The following SMOX variants were observed in gnomAD, a reference collection of about 807,000 sequenced individuals.
The protein encoded by SMOX is spermine oxidase.
SMOX carries 22 observed loss-of-function variants against 51.0 expected under a neutral mutation model. That is an observed-to-expected ratio of 0.43 (90% CI 0.31 to 0.62). The LOEUF (loss-of-function observed/expected upper bound fraction) is 0.62, where lower values mean the gene tolerates loss of function less well. Among genes scored for constraint, SMOX ranks in the 20% least tolerant of loss-of-function variants. SMOX has a pLI of 0.10. For missense variants in SMOX, 566 were observed against 777.7 expected (o/e 0.73, Z 3.24); for synonymous variants, 282 against 307.8 (o/e 0.92, Z 0.88).
rs147949785 is a variant in SMOX at position 4,181,759 on chromosome 20, A to G, written c.436-44A>G. ...GTTGGGGGCCTTCTGTTTGAGATGG[A>G]GGTGTGATGAGGTGTTTTCAGTCTC... On this transcript the variant is annotated intron_variant, in intron 3 of 6. Coordinates refer to ENST00000305958, the MANE Select transcript of SMOX (RefSeq NM_175839.3). The surrounding 1 kb of genome is among the most constrained non-coding windows in gnomAD (Gnocchi z 5.6). The G allele has an allele frequency of 1.3e-3, 2,084 of 1,591,088 alleles. 25 individuals are homozygous for G. The African/African-American group carries it at 0.025, about 19-fold the overall frequency.
chr20:4,162,492 C>T (rs530052589), intron 1 of SMOX, among the ~76,000 whole-genome samples: 1 of 152,352 alleles, frequency 6.6e-6, no homozygotes, highest in Admixed American at 6.5e-5. Flanking sequence ...ATTTCCACCC[C>T]CTCTTCCACC....
In SMOX at chr20:4,158,740, G is replaced by A. The variant is rs113194094; in HGVS notation, c.-27+9763G>A. ...GGGACATCTGTCTCGATGCCCTTTC[G>A]TCAACCCCATGGCTCTCTCAGAGCC... On this transcript the variant is annotated intron_variant, in intron 1 of 6. Transcript: ENST00000305958. Among the ~76,000 whole-genome samples, 851 of 152,006 alleles carry A rather than the reference G, an allele frequency of 5.6e-3. 13 individuals carry two copies. The highest frequency in any genetic ancestry group is 0.02 in the African/African-American group (815 of 41,454).
chr20:4,159,258 C>A (rs146192347), intron 1 of SMOX, among the ~76,000 whole-genome samples: 3,067 of 152,190 alleles, frequency 0.02, 45 homozygotes, highest in Middle Eastern at 0.034. Context: ...ATTACAGGTG[C>A]CTGCCACCAC....
intron 1 of SMOX, among the ~76,000 whole-genome samples, chr20:4,154,612 C>T (rs901748199): frequency 5.3e-5 from 8 of 152,228 alleles, no homozygotes; most frequent in African/African-American, 1.9e-4. Context: ...ACCCACCTGC[C>T]TCAGCCTCCC....
At chr20:4,150,315 C>T (rs1376754504) in intron 1 of SMOX, among the ~76,000 whole-genome samples, 1 of 152,164 alleles carries the variant, frequency 6.6e-6, no homozygotes, top group Non-Finnish European at 1.5e-5. Context: ...TCGGTCCCAC[C>T]CCTTCACTGA....
Position 4,177,568 on chromosome 20 carries a change from A to T in SMOX, c.426A>T (p.Leu142Phe). ...PKDVVEEFSD[L>F]YNEVYNLTQE... ...ACGTGGTTGAGGAATTCAGCGATTT[A>T]TACAACGAGGTAAGGTGTGAGCAGA... is the stretch of plus-strand genomic sequence containing the variant. Residue 142 changes from leucine (L) to phenylalanine (F), a missense_variant, in exon 3 of 7, where the codon TTA (leucine) becomes TTT (phenylalanine). By Grantham distance (22) the Leu-to-Phe change is conservative. Coordinates refer to ENST00000305958, the MANE Select transcript of SMOX (RefSeq NM_175839.3). This position sits in a 1 kb window ranked among gnomAD's most constrained non-coding sequence, Gnocchi z 4.3. 1 of 1,586,988 alleles carries T rather than the reference A, an allele frequency of 6.3e-7. No homozygotes were observed. Among genetic ancestry groups the T allele is most frequent in the Non-Finnish European group, 8.6e-7 (1 of 1,165,372 alleles).
intron 1 of SMOX, among the ~76,000 whole-genome samples, chr20:4,173,302 G>A (rs1396842575): frequency 1.3e-5 from 2 of 152,088 alleles, no homozygotes; most frequent in East Asian, 1.9e-4. Context: ...CCTGAGCTTC[G>A]TGTGAATGAA....
intron 1 of SMOX, among the ~76,000 whole-genome samples, chr20:4,150,059 C>G (rs770534999): frequency 6.6e-6 from 1 of 152,222 alleles, no homozygotes; most frequent in Non-Finnish European, 1.5e-5. Context: ...GTCCCCCTTT[C>G]TTCAGTTACC....
intron 2 of SMOX, chr20:4,175,922 C>G (rs1978806030): frequency 7.0e-6 from 1 of 142,150 alleles, no homozygotes; most frequent in Non-Finnish European, 1.5e-5. Flanking sequence ...GGGATGGTTT[C>G]TGACCATTGA....
Position 4,148,992 on chromosome 20 carries a change from C to T in SMOX, c.-27+15C>T, listed in dbSNP as rs1285430598. 1.3e-5 allele frequency: 2 copies of T among 151,678 alleles called. No homozygotes were observed. The highest frequency in any genetic ancestry group is 1.9e-4 in the East Asian group (1 of 5,172). The allele number at this position is 151,678 out of a possible 1,614,324, so 9.4% of individuals were successfully genotyped here. Reference sequence around the variant, plus strand: ...AGCAGGGAAAGGTACGGTGCGCCCGCTCTCCGGCCCCGGGCCCCGGCTCTC... The same window carrying T: ...AGCAGGGAAAGGTACGGTGCGCCCGTTCTCCGGCCCCGGGCCCCGGCTCTC... On this transcript the variant is annotated intron_variant, in intron 1 of 6. Coordinates refer to ENST00000305958, the MANE Select transcript of SMOX (RefSeq NM_175839.3).
chr20:4,172,287 G>C lies in SMOX; in HGVS notation c.-26-2743G>C, dbSNP rs541269971. On this transcript the variant is annotated intron_variant, in intron 1 of 6. Coordinates refer to ENST00000305958, the MANE Select transcript of SMOX (RefSeq NM_175839.3). This position sits in a 1 kb window ranked among gnomAD's most constrained non-coding sequence, Gnocchi z 7.7. ...GGTGGCGGCGTCCCCGTCGCAGCTG[G>C]CGCGGCCCCTCCGGAGCACGCCGCG... Among the ~76,000 whole-genome samples the C allele has an allele frequency of 6.6e-6, 1 of 152,240 alleles. No individual in the cohort carries two copies. The highest frequency in any genetic ancestry group is 6.5e-5 in the Admixed American group (1 of 15,304).
Position 4,183,579 on chromosome 20 carries a change from G to C in SMOX, c.1455G>C (p.Thr485=). 6.2e-7 allele frequency: 1 copy of C among 1,613,398 alleles called. No individual in the cohort carries two copies. Residue 485 remains threonine, a synonymous_variant, in exon 6 of 7, where the codon ACG becomes ACC. Coordinates refer to ENST00000305958, the MANE Select transcript of SMOX (RefSeq NM_175839.3). This position sits in a 1 kb window ranked among gnomAD's most constrained non-coding sequence, Gnocchi z 4.3. ...ACTTCCGCGGCTCCTATTCATACAC[G>C]CAGGTGGGCTCCAGCGGGGCGGATG... ...NPYFRGSYSY[T]QVGSSGADVE... is the part of the protein sequence containing the mutation.
rs919323344 is a variant in SMOX at position 4,149,898 on chromosome 20, G to C, written c.-27+921G>C. Among the ~76,000 whole-genome samples the C allele has an allele frequency of 1.3e-5, 2 of 152,190 alleles. No homozygotes were observed. The highest frequency in any genetic ancestry group is 4.8e-5 in the African/African-American group (2 of 41,450). On this transcript the variant is annotated intron_variant, in intron 1 of 6. Coordinates refer to ENST00000305958, the MANE Select transcript of SMOX (RefSeq NM_175839.3). The surrounding 1 kb of genome is among the most constrained non-coding windows in gnomAD (Gnocchi z 6.0). Reference sequence around the variant, plus strand: ...CCTGGGGTTACCGGGAGCGACGCGGGCCGGGGTGCCATGCATCCGAAAGTG... The same window carrying C: ...CCTGGGGTTACCGGGAGCGACGCGGCCCGGGGTGCCATGCATCCGAAAGTG...
Position 4,175,149 on chromosome 20 carries a change from G to C in SMOX, c.94G>C (p.Ala32Pro). The C allele has an allele frequency of 6.2e-7, 1 of 1,614,202 alleles. No homozygotes were observed. Among genetic ancestry groups the C allele is most frequent in the South Asian group, 1.1e-5 (1 of 91,088 alleles). Residue 32 changes from alanine to proline, a missense_variant, in exon 2 of 7, where the codon GCC becomes CCC. Physicochemically the swap from Ala to Pro is conservative, Grantham distance 27. Around this residue, in one of 3 missense-constraint regions of SMOX, gnomAD observed 217 missense variants for 278.4 expected, o/e 0.78. Coordinates refer to ENST00000305958, the MANE Select transcript of SMOX (RefSeq NM_175839.3). Reference protein sequence around the residue: ...RGQPRVVVIGAGLAGLAAAKA... With the variant: ...RGQPRVVVIGPGLAGLAAAKA... ...ACAGCCTCGTGTGGTGGTGATCGGC[G>C]CCGGCTTGGCTGGCCTGGCTGCAGC...
intron 1 of SMOX, among the ~76,000 whole-genome samples, chr20:4,152,578 A>T (rs1185319578): frequency 6.6e-6 from 1 of 151,864 alleles, no homozygotes; most frequent in African/African-American, 2.4e-5. Context: ...AGTGGTCCAG[A>T]TCTGGGATGG....
At chr20:4,186,776 C>G in intron 6 of SMOX, 1 of 781,080 alleles carries the variant, frequency 1.3e-6, no homozygotes, top group South Asian at 1.3e-5. Context: ...GCCTGGTCAC[C>G]TTTTCTCTTC....
At position 4,181,223 on chromosome 20, in the gene SMOX, G is replaced by A. The variant is rs578124711; in HGVS notation, c.436-580G>A. Among the ~76,000 whole-genome samples the A allele has an allele frequency of 2.6e-5, 4 of 152,276 alleles. No individual in the cohort carries two copies. The highest frequency in any genetic ancestry group is 2.0e-4 in the Admixed American group (3 of 15,298). ...TTTGTGTTCCTGTCTTCCCCACTGCGTCTCAGCTTCCTTACTCGTGGCTGA... is the reference window on the plus strand; with the variant it reads ...TTTGTGTTCCTGTCTTCCCCACTGCATCTCAGCTTCCTTACTCGTGGCTGA... On this transcript the variant is annotated intron_variant, in intron 3 of 6. Coordinates refer to ENST00000305958, the MANE Select transcript of SMOX (RefSeq NM_175839.3). The surrounding 1 kb of genome is among the most constrained non-coding windows in gnomAD (Gnocchi z 5.6).
Position 4,182,668 on chromosome 20 carries a change from C to T in SMOX, c.1189C>T (p.Leu397Phe). The T allele has an allele frequency of 6.2e-7, 1 of 1,614,152 alleles. No homozygotes were observed. The highest frequency in any genetic ancestry group is 8.5e-7 in the Non-Finnish European group (1 of 1,180,028). Residue 397 changes from leucine to phenylalanine, a missense_variant, in exon 5 of 7, where the codon CTC becomes TTC. Transcript: ENST00000305958. This position sits in a 1 kb window ranked among gnomAD's most constrained non-coding sequence, Gnocchi z 8.4. ...VWEDEAESHT[L>F]TYPPELWYRK... Reference sequence around the variant, plus strand: ...GGAGGACGAAGCAGAGAGCCACACCCTCACCTACCCACCTGAGCTCTGGTA... The same window carrying T: ...GGAGGACGAAGCAGAGAGCCACACCTTCACCTACCCACCTGAGCTCTGGTA...
At chr20:4,171,093 C>T (rs1986806623) in intron 1 of SMOX, among the ~76,000 whole-genome samples, 1 of 152,212 alleles carries the variant, frequency 6.6e-6, no homozygotes, top group Non-Finnish European at 1.5e-5. Context: ...GCTGAGCCAG[C>T]ACTTTTTTCT....
Sources: allele counts gnomAD v4.1 joint callset (sites outside exome capture counted in the v4.1 genomes callset), GRCh38; gene constraint gnomAD v4.1.1; regional missense constraint gnomAD v4.1.1; non-coding constraint Gnocchi (gnomAD v3.1); transcripts MANE v1.5; gene names NCBI Gene and HGNC (gene_info 2026-07-23, HGNC 2026-07-21).